Variants in EXD3 observed in about 807,000 individuals in gnomAD.
The protein encoded by EXD3 is exonuclease mut-7 homolog.
Under a neutral mutation model 98.0 loss-of-function variants are expected in EXD3, and 92 were observed. The observed-to-expected ratio is 0.94, with a 90% confidence interval of 0.79 to 1.12. The LOEUF (loss-of-function observed/expected upper bound fraction) is 1.12. EXD3 is among the 50% of genes most tolerant of loss of function. EXD3 has a pLI of 0.00. For synonymous variants in EXD3, 569 were observed against 526.0 expected, an observed-to-expected ratio of 1.08 and a Z score of -1.12; for missense variants, 1,222 against 1,191.6, an observed-to-expected ratio of 1.03 and a Z score of -0.38.
chr9:137,355,334 G>A (rs1297585448), intron 8 of EXD3, among the ~76,000 whole-genome samples: 1 of 152,064 alleles, frequency 6.6e-6, no homozygotes. Context: ...GTCCTCAGCG[G>A]GGTGCCGACC....
Position 137,324,262 on chromosome 9 carries a change from C to T in EXD3, c.1999-119G>A, listed in dbSNP as rs559393013. On this transcript the variant is annotated intron_variant, in intron 17 of 21. Coordinates refer to ENST00000340951, the MANE Select transcript of EXD3 (RefSeq NM_017820.5). The surrounding 1 kb of genome is among the most constrained non-coding windows in gnomAD (Gnocchi z 4.1). ...TGGCCCTGCCCCAGGCCCCTTTTGT[C>T]CTCCAGGGTGGCCTCTGCCTGGGGT... 2 of 848,080 alleles carry T rather than the reference C, an allele frequency of 2.4e-6. No homozygotes were observed. The highest frequency in any genetic ancestry group is 1.9e-6 in the Non-Finnish European group (1 of 537,502). 52.5% of individuals were successfully genotyped at this position (848,080 alleles called of 1,614,324 possible). A position where few individuals can be genotyped will look rare whatever the true frequency, so the allele number is the denominator to read the frequency against.
chr9:137,350,087 G>T (rs1325173601), intron 14 of EXD3, among the ~76,000 whole-genome samples: 2 of 103,766 alleles, frequency 1.9e-5, no homozygotes, highest in African/African-American at 4.5e-5. Context: ...CACGAGGAGG[G>T]GCTAGATAGA....
At chr9:137,364,530 G>A (rs1835125284) in intron 7 of EXD3, among the ~76,000 whole-genome samples, 2 of 151,910 alleles carry the variant, frequency 1.3e-5, no homozygotes, top group South Asian at 4.2e-4. Flanking sequence ...GCTGAGACAG[G>A]AGAATCACTT....
intron 1 of EXD3, among the ~76,000 whole-genome samples, chr9:137,411,730 AG>A (rs1194818396): frequency 1.3e-3 from 3 of 2,244 alleles, no homozygotes; most frequent in African/African-American, 3.3e-3. Context: ...TGGGTGGGGG[AG>A]GGGGAGGGGG....
chr9:137,414,910 C>T (rs774917615), intron 1 of EXD3, among the ~76,000 whole-genome samples: 1 of 152,022 alleles, frequency 6.6e-6, no homozygotes, highest in African/African-American at 2.4e-5. Context: ...CAGGCTGAGA[C>T]GGAATCTCAC....
At chr9:137,377,088 C>T (rs1489401984) in intron 3 of EXD3, 1 of 152,198 alleles carries the variant, frequency 6.6e-6, no homozygotes, top group Non-Finnish European at 1.5e-5. Flanking sequence ...ACTCTGTGAG[C>T]AGCAAGCGAC....
intron 17 of EXD3, among the ~76,000 whole-genome samples, chr9:137,327,417 G>C (rs370497904): frequency 6.6e-6 from 1 of 152,202 alleles, no homozygotes; most frequent in African/African-American, 2.4e-5. Context: ...ACAGGTGTGA[G>C]CCACCGCGCC....
intron 7 of EXD3, among the ~76,000 whole-genome samples, chr9:137,363,884 C>T (rs940719120): frequency 6.6e-5 from 10 of 152,150 alleles, no homozygotes; most frequent in South Asian, 2.1e-4. Flanking sequence ...TATCCCCTTA[C>T]GACCACTTTA....
At chr9:137,416,218 G>A (rs535396564) in intron 1 of EXD3, among the ~76,000 whole-genome samples, 8 of 152,288 alleles carry the variant, frequency 5.3e-5, no homozygotes, top group South Asian at 2.1e-4. Context: ...AGAATTCTGC[G>A]GTGGCTGGCT....
rs1837578978 is a variant in EXD3 at position 137,403,608 on chromosome 9, A to C, written c.-47-8204T>G. Among the ~76,000 whole-genome samples the C allele has an allele frequency of 6.6e-6, 1 of 151,556 alleles. No homozygotes were observed. The highest frequency in any genetic ancestry group is 2.4e-5 in the African/African-American group (1 of 41,198). On this transcript the variant is annotated intron_variant, in intron 1 of 21. Transcript: ENST00000340951. The surrounding 1 kb of genome is among the most constrained non-coding windows in gnomAD (Gnocchi z 6.1). Reference sequence around the variant, plus strand: ...CGCCTCTCTCCTTCTCTTTGCCCCTAAGGGGTTTTGCCTTTTTAATTCTTT... The same window carrying C: ...CGCCTCTCTCCTTCTCTTTGCCCCTCAGGGGTTTTGCCTTTTTAATTCTTT...
intron 8 of EXD3, 101 bp downstream of exon 8, chr9:137,356,167 G>T: frequency 1.2e-6 from 1 of 860,006 alleles, no homozygotes; most frequent in Non-Finnish European, 1.8e-6. Flanking sequence ...GGTCTTGGTT[G>T]GCACCTGAAC....
rs570353658 is a variant in EXD3 at position 137,356,270 on chromosome 9, G to A, written c.755C>T (p.Pro252Leu). Residue 252 changes from proline to leucine, a missense_variant and splice_region_variant, in exon 8 of 22, where the codon CCA becomes CTA. Transcript: ENST00000340951. ...AGGAATGTGGGGGCTGGACTCACCT[G>A]GGGCTACGCCGTACCGCTCCTGCAG... ...LRLQERYGVA[P>L]ALCPNAAIQQ... The A allele has an allele frequency of 6.2e-5, 99 of 1,596,554 alleles. 1 individual carries two copies. In the Middle Eastern group the frequency reaches 1.1e-3, roughly 17 times the overall value.
rs1229089755 is a variant in EXD3, at chr9:137,412,097, C to A, written c.-48+11017G>T. Among the ~76,000 whole-genome samples the A allele has an allele frequency of 7.9e-5, 12 of 152,224 alleles. No individual in the cohort carries two copies. In the East Asian group the frequency reaches 2.1e-3, roughly 27 times the overall value. On this transcript the variant is annotated intron_variant, in intron 1 of 21. Coordinates refer to ENST00000340951, the MANE Select transcript of EXD3 (RefSeq NM_017820.5). ...ACTGCCCTCTTCTGAGAGCGCCAAC[C>A]TTGAGGGCCCTGCAGCCGCCACCCC...
intron 19 of EXD3, among the ~76,000 whole-genome samples, chr9:137,320,029 C>T (rs893735751): frequency 1.3e-5 from 2 of 152,230 alleles, no homozygotes; most frequent in Non-Finnish European, 2.9e-5. Context: ...CAGCCCTGCA[C>T]CAGGGGGTTC....
At chr9:137,417,764 G>A (rs1374880896) in intron 1 of EXD3, among the ~76,000 whole-genome samples, 3 of 152,114 alleles carry the variant, frequency 2.0e-5, no homozygotes, top group Admixed American at 6.5e-5. Flanking sequence ...CGGCCACTGC[G>A]CTGGGCCCTT....
intron 14 of EXD3, 84 bp downstream of exon 14, chr9:137,350,954 G>T (rs529965985): frequency 7.3e-6 from 8 of 1,102,924 alleles, no homozygotes; most frequent in Non-Finnish European, 2.6e-6. Flanking sequence ...GCCCAGGGCC[G>T]CTGGGAAGGT....
chr9:137,326,978 A>G (rs569735658), intron 17 of EXD3, among the ~76,000 whole-genome samples: 3 of 152,242 alleles, frequency 2.0e-5, no homozygotes, highest in African/African-American at 7.2e-5. Context: ...AACCCTTACG[A>G]CACGCCGAGT....
chr9:137,374,697 C>T, intron 3 of EXD3: 1 of 985,532 alleles, frequency 1.0e-6, no homozygotes, highest in South Asian at 4.7e-5. Flanking sequence ...TCCAGACCCT[C>T]CAAAGGATGC....
At chr9:137,419,227 A>G (rs879144172) in intron 1 of EXD3, among the ~76,000 whole-genome samples, 2 of 152,236 alleles carry the variant, frequency 1.3e-5, no homozygotes, top group Admixed American at 6.5e-5. Flanking sequence ...ATGTCTTGGT[A>G]TATGTTATCA....
Sources: gnomAD v4.1 joint callset for allele counts (sites outside exome capture counted in the v4.1 genomes callset) on GRCh38, gnomAD v4.1.1 for gene constraint, Gnocchi (gnomAD v3.1) non-coding constraint, MANE v1.5 for transcripts, NCBI Gene and HGNC (gene_info 2026-07-23, HGNC 2026-07-21) for gene names.